The following FBXO8 variants were observed in gnomAD, a reference collection of about 807,000 sequenced individuals.
FBXO8 encodes the protein F-box protein 8, also known as F-box only protein 8.
FBXO8 carries 15 observed loss-of-function variants against 33.4 expected under a neutral mutation model. That is an observed-to-expected ratio of 0.45 (90% CI 0.30 to 0.69). The LOEUF (loss-of-function observed/expected upper bound fraction) is 0.69. FBXO8 is among the 30% of genes least tolerant of loss of function. The pLI, the probability that FBXO8 is intolerant of heterozygous loss-of-function variation, is 0.08. For synonymous variants in FBXO8, 132 were observed against 131.5 expected (o/e 1.00, Z -0.02); for missense variants, 274 against 380.3 (o/e 0.72, Z 2.32).
chr4:174,273,480 G>A (rs977130360), intron 1 of FBXO8, among the ~76,000 whole-genome samples: 3 of 151,922 alleles, frequency 2.0e-5, no homozygotes, highest in African/African-American at 4.8e-5. Context: ...CTAGATATAT[G>A]GGCTGAAGAT....
rs1163670557 is a variant in FBXO8, at chr4:174,261,586, CATTT to C, written c.329+1174_329+1177del. ...CTATTCATGAGTAAAAAATTAATAACATTTATTTTAAAGACTCCTCATTAACAGA... is the reference window on the plus strand; with the variant it reads ...CTATTCATGAGTAAAAAATTAATAACATTTTAAAGACTCCTCATTAACAGA... On this transcript the variant is annotated intron_variant, in intron 2 of 5. Transcript: ENST00000393674. This position sits in a 1 kb window ranked among gnomAD's most constrained non-coding sequence, Gnocchi z 4.1. 6.6e-6 allele frequency among the ~76,000 whole-genome samples: 1 copy of C among 151,846 alleles called. No homozygotes were observed. Among genetic ancestry groups the C allele is most frequent in the Non-Finnish European group, 1.5e-5 (1 of 67,844 alleles).
intron 3 of FBXO8, among the ~76,000 whole-genome samples, chr4:174,243,442 A>G (rs1171991382): frequency 6.6e-6 from 1 of 151,024 alleles, no homozygotes; most frequent in Non-Finnish European, 1.5e-5. Context: ...ACATGAGAAC[A>G]GATTATAACT....
chr4:174,246,422 A>G (rs1736158640), intron 3 of FBXO8, among the ~76,000 whole-genome samples: 2 of 152,080 alleles, frequency 1.3e-5, no homozygotes, highest in African/African-American at 4.8e-5. Context: ...CTGGGAGGAA[A>G]GAAGTGACTT....
chr4:174,259,197 A>G lies in FBXO8; in HGVS notation c.456+502T>C, dbSNP rs1432577618. ...TACAAAATTATTCAATTTTATAACAATCTATAAATAGTTCCTATGTCAACA... is the reference window on the plus strand; with the variant it reads ...TACAAAATTATTCAATTTTATAACAGTCTATAAATAGTTCCTATGTCAACA... On this transcript the variant is annotated intron_variant, in intron 3 of 5. Transcript: ENST00000393674. This position sits in a 1 kb window ranked among gnomAD's most constrained non-coding sequence, Gnocchi z 4.3. Among the ~76,000 whole-genome samples the G allele has an allele frequency of 6.6e-6, 1 of 152,094 alleles. No individual in the cohort carries two copies. Among genetic ancestry groups the G allele is most frequent in the Non-Finnish European group, 1.5e-5 (1 of 67,954 alleles).
At chr4:174,280,406 C>A (rs1217933345) in intron 1 of FBXO8, among the ~76,000 whole-genome samples, 1 of 152,048 alleles carries the variant, frequency 6.6e-6, no homozygotes, top group Non-Finnish European at 1.5e-5. Context: ...ATGGTACAGC[C>A]TCTGCGGAAA....
chr4:174,237,402 A>G lies in FBXO8; in HGVS notation c.*10T>C. On this transcript the variant is annotated 3_prime_UTR_variant, in exon 6 of 6. Coordinates refer to ENST00000393674, the MANE Select transcript of FBXO8 (RefSeq NM_012180.3). The surrounding 1 kb of genome is among the most constrained non-coding windows in gnomAD (Gnocchi z 4.4). ...TGAAGTAAAAACTGAAGTCCTAGCA[A>G]TTGTGCTTTTTATGCAGCCACATGG... The G allele has an allele frequency of 6.2e-7, 1 of 1,607,998 alleles. No homozygotes were observed.
Position 174,263,570 on chromosome 4 carries a change from C to T in FBXO8, c.-8-470G>A, listed in dbSNP as rs955104806. Among the ~76,000 whole-genome samples the T allele has an allele frequency of 2.6e-5, 4 of 152,092 alleles. No individual in the cohort carries two copies. The highest frequency in any genetic ancestry group is 4.4e-5 in the Non-Finnish European group (3 of 68,020). On this transcript the variant is annotated intron_variant, in intron 1 of 5. Transcript: ENST00000393674. This position sits in a 1 kb window ranked among gnomAD's most constrained non-coding sequence, Gnocchi z 4.2. ...AACCAAACTCCCAGATGCGTAACAGCTGGGAAACAGGCTTTTAGTTTAATT... is the reference window on the plus strand; with the variant it reads ...AACCAAACTCCCAGATGCGTAACAGTTGGGAAACAGGCTTTTAGTTTAATT...
At chr4:174,260,730 G>C (rs1453389367) in intron 2 of FBXO8, among the ~76,000 whole-genome samples, 2 of 151,868 alleles carry the variant, frequency 1.3e-5, no homozygotes, top group Non-Finnish European at 1.5e-5. Context: ...TGGAAATTCT[G>C]GATATCCACC....
intron 1 of FBXO8, among the ~76,000 whole-genome samples, chr4:174,264,933 A>G (rs1736658311): frequency 6.6e-6 from 1 of 152,158 alleles, no homozygotes; most frequent in African/African-American, 2.4e-5. Context: ...GCAGTAAGAA[A>G]ATAATCCACT....
At chr4:174,276,087 A>G (rs1392152289) in intron 1 of FBXO8, among the ~76,000 whole-genome samples, 1 of 152,196 alleles carries the variant, frequency 6.6e-6, no homozygotes, top group African/African-American at 2.4e-5. Flanking sequence ...TATCTGTAGA[A>G]AAATGCTTCT....
rs533403272 is a variant in FBXO8, at chr4:174,279,146, T to TA, written c.-9+4263dup. The stretch of plus-strand genomic sequence containing the variant: ...TACCCTAAAGATTCTACCAAAAACT[T>TA]ACAACTAATAAATCCATTCAGCAAA... On this transcript the variant is annotated intron_variant, in intron 1 of 5. Coordinates refer to ENST00000393674, the MANE Select transcript of FBXO8 (RefSeq NM_012180.3). Among the ~76,000 whole-genome samples, 296 of 152,090 alleles carry TA rather than the reference T, an allele frequency of 1.9e-3. 2 individuals carry two copies. The highest frequency in any genetic ancestry group is 6.8e-3 in the African/African-American group (283 of 41,506).
At position 174,241,079 on chromosome 4, in the gene FBXO8, A is replaced by G; in HGVS notation, c.575+21T>C. 1 of 1,415,524 alleles carries G rather than the reference A, an allele frequency of 7.1e-7. No homozygotes were observed. Among genetic ancestry groups the G allele is most frequent in the Non-Finnish European group, 9.9e-7 (1 of 1,007,406 alleles). The allele number at this position is 1,415,524 out of a possible 1,614,324, so 87.7% of individuals were successfully genotyped here. A position where few individuals can be genotyped will look rare whatever the true frequency, so the allele number is the denominator to read the frequency against. ...ACATTACTTAACTCATTTTGGATGA[A>G]AAGTTAATTTTCGTTTTTACCTTTC... On this transcript the variant is annotated intron_variant, in intron 4 of 5. Transcript: ENST00000393674. The surrounding 1 kb of genome is among the most constrained non-coding windows in gnomAD (Gnocchi z 4.2).
chr4:174,266,190 T>A (rs961420237), intron 1 of FBXO8, among the ~76,000 whole-genome samples: 10 of 152,062 alleles, frequency 6.6e-5, no homozygotes, highest in African/African-American at 2.4e-4. Flanking sequence ...CTGGATAATA[T>A]GATTCAGAAA....
intron 1 of FBXO8, among the ~76,000 whole-genome samples, chr4:174,269,842 C>T (rs183590308): frequency 1.3e-5 from 2 of 152,054 alleles, no homozygotes; most frequent in Admixed American, 6.5e-5. Flanking sequence ...AAGCAACAGC[C>T]AAATAGGCAA....
At chr4:174,258,203 A>AT (rs1171990248) in intron 3 of FBXO8, among the ~76,000 whole-genome samples, 1 of 152,190 alleles carries the variant, frequency 6.6e-6, no homozygotes, top group Non-Finnish European at 1.5e-5. Context: ...ACAGTGCAGG[A>AT]TAAAAAAAGT....
At chr4:174,280,331 T>A (rs75796581) in intron 1 of FBXO8, among the ~76,000 whole-genome samples, 9,576 of 151,370 alleles carry the variant, frequency 0.063, 418 homozygotes, top group South Asian at 0.21. Flanking sequence ...GAAAAAAAAA[T>A]AAGTCTTGGC....
At chr4:174,271,874 A>G (rs866793040) in intron 1 of FBXO8, among the ~76,000 whole-genome samples, 12 of 152,156 alleles carry the variant, frequency 7.9e-5, no homozygotes, top group African/African-American at 2.9e-4. Flanking sequence ...TAGATATAAA[A>G]TCTTATATAT....
chr4:174,268,235 C>T (rs570736226), intron 1 of FBXO8, among the ~76,000 whole-genome samples: 1 of 152,116 alleles, frequency 6.6e-6, no homozygotes, highest in Non-Finnish European at 1.5e-5. Context: ...CAATACATAA[C>T]CTTACTGTAT....
At position 174,278,453 on chromosome 4, in the gene FBXO8, T is replaced by C. The variant is rs1737003688; in HGVS notation, c.-9+4957A>G. Reference sequence around the variant, plus strand: ...AAATAAATGTAAAAATTAAGATGTGTTATTTAAATGCAACCAAAAATCTAA... The same window carrying C: ...AAATAAATGTAAAAATTAAGATGTGCTATTTAAATGCAACCAAAAATCTAA... On this transcript the variant is annotated intron_variant, in intron 1 of 5. Coordinates refer to ENST00000393674, the MANE Select transcript of FBXO8 (RefSeq NM_012180.3). This position sits in a 1 kb window ranked among gnomAD's most constrained non-coding sequence, Gnocchi z 4.1. Among the ~76,000 whole-genome samples the C allele has an allele frequency of 6.6e-6, 1 of 152,156 alleles. No individual in the cohort carries two copies.
Sources: allele counts gnomAD v4.1 joint callset (sites outside exome capture counted in the v4.1 genomes callset), GRCh38; gene constraint gnomAD v4.1.1; non-coding constraint Gnocchi (gnomAD v3.1); transcripts MANE v1.5; gene names NCBI Gene and HGNC (gene_info 2026-07-23, HGNC 2026-07-21).